The following SSMEM1 variants were observed in gnomAD, a reference collection of about 807,000 sequenced individuals.
SSMEM1 encodes serine rich single-pass membrane protein 1.
Under a neutral mutation model 9.9 loss-of-function variants are expected in SSMEM1, and 12 were observed. The observed-to-expected ratio is 1.21, with a 90% CI of 0.78 to 1.96. The LOEUF is 1.96. Among genes scored for constraint, SSMEM1 ranks in the 30% most tolerant of loss-of-function variants. The pLI is 0.00. For synonymous variants in SSMEM1, 96 were observed against 98.9 expected, an observed-to-expected ratio of 0.97 and a Z score of 0.17; for missense variants, 259 against 292.2, an observed-to-expected ratio of 0.89 and a Z score of 0.83.
chr7:130,208,199 T>C, intron 1 of SSMEM1, 106 bp downstream of exon 1: 1 of 1,170,370 alleles, frequency 8.5e-7, no homozygotes, highest in Non-Finnish European at 1.2e-6. Context: ...TAAAAGTTGT[T>C]TAGTTTTAAA....
chr7:130,212,890 T>G (rs558369276), intron 1 of SSMEM1, among the ~76,000 whole-genome samples: 2 of 152,330 alleles, frequency 1.3e-5, no homozygotes, highest in East Asian at 3.9e-4. Flanking sequence ...TTCTCTCAAG[T>G]CTGTTCCATT....
rs750282781 is a variant in SSMEM1, at chr7:130,216,228, A to G, written c.493A>G (p.Ser165Gly). The change falls in exon 3 of 3, where the codon AGT becomes GGT. Residue 165 changes from serine to glycine, a missense_variant. Transcript: ENST00000297819. ...CTCAGAAGCCTCCTCGTGGAAGGAG[A>G]GTGAAAGTGAACACCACCCATCACC... is the stretch of plus-strand genomic sequence containing the variant. ...SNSEASSWKE[S>G]ESEHHPSPDS... The G allele has an allele frequency of 6.2e-7, 1 of 1,614,196 alleles. No individual in the cohort carries two copies. The highest frequency in any genetic ancestry group is 1.7e-5 in the Admixed American group (1 of 60,026).
At chr7:130,208,844 CATATT>C (rs1798537766) in intron 1 of SSMEM1, among the ~76,000 whole-genome samples, 1 of 152,096 alleles carries the variant, frequency 6.6e-6, no homozygotes, top group African/African-American at 2.4e-5. Flanking sequence ...ATGCTTCCAA[CATATT>C]ATGAGTAACC....
chr7:130,205,896 G>A (rs187651371), upstream of SSMEM1, among the ~76,000 whole-genome samples: 1 of 151,954 alleles, frequency 6.6e-6, no homozygotes, highest in Non-Finnish European at 1.5e-5. Flanking sequence ...GTCTGGTCTC[G>A]ATTTCCTAAC....
At chr7:130,213,692 C>CAAAAAAAAAAAAAAAAA (rs1179465068) in intron 2 of SSMEM1, among the ~76,000 whole-genome samples, 158 bp downstream of exon 2, 8 of 79,726 alleles carry the variant, frequency 1.0e-4, no homozygotes, top group Admixed American at 1.5e-4. Context: ...GACCCAGTAC[C>CAAAAAAAAAAAAAAAAA]AAAAAAAAAA....
At position 130,216,673 on chromosome 7, in the gene SSMEM1, T is replaced by G; in HGVS notation, c.*203T>G. 3.3e-6 allele frequency: 2 copies of G among 605,390 alleles called. No individual in the cohort carries two copies. The highest frequency in any genetic ancestry group is 5.8e-5 in the East Asian group (2 of 34,722). 37.5% of individuals were successfully genotyped at this position (605,390 alleles called of 1,614,324 possible). ...GGCCATCACGTGTTTATGGCACCATTGGAACACCAAAGATCTATATCTGCT... is the reference window on the plus strand; with the variant it reads ...GGCCATCACGTGTTTATGGCACCATGGGAACACCAAAGATCTATATCTGCT... On this transcript the variant is annotated 3_prime_UTR_variant, in exon 3 of 3. Transcript: ENST00000297819.
intron 2 of SSMEM1, 58 bp downstream of exon 2, chr7:130,213,592 G>T: frequency 6.7e-7 from 1 of 1,483,422 alleles, no homozygotes. Context: ...GTGTGGTGTT[G>T]CATGCCTGTA....
chr7:130,214,022 G>C (rs1430218390), intron 2 of SSMEM1, among the ~76,000 whole-genome samples: 2 of 152,172 alleles, frequency 1.3e-5, no homozygotes, highest in Non-Finnish European at 2.9e-5. Context: ...GCTATTACAG[G>C]ATTATGAACT....
At chr7:130,214,578 C>G (rs1378260570) in intron 2 of SSMEM1, among the ~76,000 whole-genome samples, 2 of 152,154 alleles carry the variant, frequency 1.3e-5, no homozygotes, top group Admixed American at 6.6e-5. Context: ...CCAACCATGG[C>G]TGCAATTGAT....
rs781108049 is a variant in SSMEM1 at position 130,216,145 on chromosome 7, A to G, written c.410A>G (p.Glu137Gly). ...RRARRQSQFN[E>G]VNQNQHDSDT... ...GCCAGGCGCCAGTCTCAGTTCAATG[A>G]GGTGAACCAGAACCAACATGACAGT... Residue 137 changes from glutamate to glycine, a missense_variant, in exon 3 of 3, where the codon GAG becomes GGG. Glu to Gly is a moderately conservative substitution (Grantham distance 98, BLOSUM62 -2). Coordinates refer to ENST00000297819, the MANE Select transcript of SSMEM1 (RefSeq NM_145268.4). 1.1e-5 allele frequency: 18 copies of G among 1,614,106 alleles called. No homozygotes were observed. In the East Asian group the frequency reaches 3.6e-4, roughly 32 times the overall value.
chr7:130,210,295 G>A (rs763628628), intron 1 of SSMEM1, among the ~76,000 whole-genome samples: 1 of 152,156 alleles, frequency 6.6e-6, no homozygotes, highest in Non-Finnish European at 1.5e-5. Context: ...CAATATGAGA[G>A]CTAGTAAAGG....
chr7:130,207,466 A>C (rs1233776119), upstream of SSMEM1, among the ~76,000 whole-genome samples: 1 of 152,174 alleles, frequency 6.6e-6, no homozygotes, highest in African/African-American at 2.4e-5. Flanking sequence ...CCTGTCTCCA[A>C]ATAGAGTCAC....
In SSMEM1 at chr7:130,216,232, A is replaced by G; in HGVS notation, c.497A>G (p.Glu166Gly). ...NSEASSWKES[E>G]SEHHPSPDSI... Reference sequence around the variant, plus strand: ...GAAGCCTCCTCGTGGAAGGAGAGTGAAAGTGAACACCACCCATCACCAGAC... The same window carrying G: ...GAAGCCTCCTCGTGGAAGGAGAGTGGAAGTGAACACCACCCATCACCAGAC... The change falls in exon 3 of 3, where the codon GAA becomes GGA. Residue 166 changes from glutamate (E) to glycine (G), a missense_variant. Physicochemically the swap from Glu to Gly is moderately conservative, Grantham distance 98. Transcript: ENST00000297819. 1 of 1,614,240 alleles carries G rather than the reference A, an allele frequency of 6.2e-7. No individual in the cohort carries two copies. The highest frequency in any genetic ancestry group is 8.5e-7 in the Non-Finnish European group (1 of 1,180,040).
At chr7:130,207,695 TG>T, upstream of SSMEM1, 1 of 664,750 alleles carries the variant, frequency 1.5e-6, no homozygotes. Context: ...TATTGAGGTA[TG>T]GGGGAAAATA....
In SSMEM1 at chr7:130,216,651, C is replaced by T; in HGVS notation, c.*181C>T. ...ATTCTTCGTTCAAAAAAAAAAAGGC[C>T]ATCACGTGTTTATGGCACCATTGGA... On this transcript the variant is annotated 3_prime_UTR_variant, in exon 3 of 3. Coordinates refer to ENST00000297819, the MANE Select transcript of SSMEM1 (RefSeq NM_145268.4). The T allele has an allele frequency of 1.4e-6, 1 of 729,080 alleles. No individual in the cohort carries two copies. Among genetic ancestry groups the T allele is most frequent in the East Asian group, 2.8e-5 (1 of 36,270 alleles). The allele number at this position is 729,080 out of a possible 1,614,324, so 45.2% of individuals were successfully genotyped here.
intron 1 of SSMEM1, among the ~76,000 whole-genome samples, chr7:130,209,476 C>A (rs1274658995): frequency 1.3e-5 from 2 of 152,244 alleles, no homozygotes; most frequent in Non-Finnish European, 2.9e-5. Flanking sequence ...TTATATGTGT[C>A]TTAGACTCCC....
In SSMEM1 at chr7:130,216,670, C is replaced by A. The variant is rs1234886862; in HGVS notation, c.*200C>A. 9.2e-5 allele frequency: 56 copies of A among 605,764 alleles called. No individual in the cohort carries two copies. The highest frequency in any genetic ancestry group is 2.3e-5 in the Non-Finnish European group (8 of 354,152). The allele number at this position is 605,764 out of a possible 1,614,324, so 37.5% of individuals were successfully genotyped here. ...AAAGGCCATCACGTGTTTATGGCAC[C>A]ATTGGAACACCAAAGATCTATATCT... On this transcript the variant is annotated 3_prime_UTR_variant, in exon 3 of 3. Coordinates refer to ENST00000297819, the MANE Select transcript of SSMEM1 (RefSeq NM_145268.4).
intron 1 of SSMEM1, among the ~76,000 whole-genome samples, chr7:130,211,072 AT>A (rs1798581885): frequency 6.7e-6 from 1 of 150,098 alleles, no homozygotes; most frequent in South Asian, 2.1e-4. Context: ...TATTAAATTT[AT>A]TTTTTTCCTT....
intron 2 of SSMEM1, among the ~76,000 whole-genome samples, chr7:130,214,684 T>C (rs1299365853): frequency 1.3e-5 from 2 of 152,182 alleles, no homozygotes; most frequent in Non-Finnish European, 1.5e-5. Context: ...GAACTTAACT[T>C]GGTTGTCAGT....
Sources: gnomAD v4.1 joint callset for allele counts (sites outside exome capture counted in the v4.1 genomes callset) on GRCh38, gnomAD v4.1.1 for gene constraint, MANE v1.5 for transcripts, NCBI Gene and HGNC (gene_info 2026-07-23, HGNC 2026-07-21) for gene names.